The following MYO1E variants were observed in gnomAD, a reference collection of about 807,000 sequenced individuals.
The protein encoded by MYO1E is unconventional myosin-Ie.
MYO1E carries 68 observed loss-of-function variants against 151.1 expected under a neutral mutation model. The observed-to-expected ratio is 0.45, with a 90% CI of 0.37 to 0.55. MYO1E has a LOEUF of 0.55. Among genes scored for constraint, MYO1E ranks in the 20% least tolerant of loss-of-function variants. The pLI is 0.00. For synonymous variants in MYO1E, 601 were observed against 501.7 expected, an observed-to-expected ratio of 1.20 and a Z score of -2.64; for missense variants, 1,363 against 1,389.3, an observed-to-expected ratio of 0.98 and a Z score of 0.30.
rs1295171249 is a variant in MYO1E, at chr15:59,133,431, A to G, written c.*3949T>C. ...CCTGTGATGGCTCCCCCAGGGAAGA[A>G]CTGTGTGACCTTGGGCGACCTAGTG... On this transcript the variant is annotated 3_prime_UTR_variant, in exon 28 of 28. Transcript: ENST00000288235. 6.6e-6 allele frequency: 1 copy of G among 152,072 alleles called. No individual in the cohort carries two copies. The highest frequency in any genetic ancestry group is 2.4e-5 in the African/African-American group (1 of 41,382). 9.4% of individuals were successfully genotyped at this position (152,072 alleles called of 1,614,324 possible).
chr15:59,155,405 T>A (rs2079504171), intron 25 of MYO1E, among the ~76,000 whole-genome samples: 1 of 152,220 alleles, frequency 6.6e-6, no homozygotes. Context: ...GGACTGGAAA[T>A]TTTTTAAAAC....
rs1425880286 is a variant in MYO1E, at chr15:59,217,873, T to A, written c.1107+18A>T. The stretch of plus-strand genomic sequence containing the variant: ...GCTAAGATATGAAGCATCACCAGCA[T>A]CAACTTCTGTTACTTACATCTACCA... On this transcript the variant is annotated intron_variant, in intron 10 of 27. Transcript: ENST00000288235. The A allele has an allele frequency of 1.2e-6, 2 of 1,613,188 alleles. No homozygotes were observed. Among genetic ancestry groups the A allele is most frequent in the East Asian group, 4.5e-5 (2 of 44,874 alleles).
At chr15:59,333,520 G>T (rs1201116357) in intron 1 of MYO1E, among the ~76,000 whole-genome samples, 1 of 152,190 alleles carries the variant, frequency 6.6e-6, no homozygotes, top group African/African-American at 2.4e-5. Context: ...TAGGCTATAG[G>T]TGAGAGCGAG....
At chr15:59,292,261 A>G (rs2080424026) in intron 1 of MYO1E, among the ~76,000 whole-genome samples, 1 of 152,232 alleles carries the variant, frequency 6.6e-6, no homozygotes, top group African/African-American at 2.4e-5. Flanking sequence ...TTTTGTTTCA[A>G]ACACACCCAA....
At chr15:59,243,099 C>CTTTTTTTTT (rs3985715) in intron 4 of MYO1E, among the ~76,000 whole-genome samples, 1 of 133,454 alleles carries the variant, frequency 7.5e-6, no homozygotes, top group Non-Finnish European at 1.6e-5. Flanking sequence ...TTAGACCCTG[C>CTTTTTTTTT]TTTTTTTTTT....
At chr15:59,213,972 A>G (rs901312104) in intron 12 of MYO1E, among the ~76,000 whole-genome samples, 5 of 152,226 alleles carry the variant, frequency 3.3e-5, no homozygotes, top group African/African-American at 1.2e-4. Context: ...ATGAGTCAGT[A>G]GAGTAAAAGC....
intron 26 of MYO1E, among the ~76,000 whole-genome samples, chr15:59,139,219 T>G (rs150237271): frequency 6.6e-6 from 1 of 150,378 alleles, no homozygotes; most frequent in Non-Finnish European, 1.5e-5. Flanking sequence ...TATTACTCCT[T>G]AGACTTCCCT....
chr15:59,278,737 G>C (rs948479759), intron 1 of MYO1E, among the ~76,000 whole-genome samples: 1 of 152,110 alleles, frequency 6.6e-6, no homozygotes, highest in African/African-American at 2.4e-5. Flanking sequence ...TGGGGGACAG[G>C]GTAGTCAGTA....
intron 26 of MYO1E, among the ~76,000 whole-genome samples, chr15:59,151,010 GACACACACACACACACACAC>G (rs60541381): frequency 0.034 from 4,839 of 141,172 alleles, 115 homozygotes; most frequent in African/African-American, 0.072. Flanking sequence ...AGAGGAGAGG[GACACACACACACACACACAC>G]ACACACACAC....
At chr15:59,269,003 G>C (rs1277917294) in intron 2 of MYO1E, among the ~76,000 whole-genome samples, 1 of 151,818 alleles carries the variant, frequency 6.6e-6, no homozygotes, top group East Asian at 1.9e-4. Context: ...CACATTCCAA[G>C]AACATTTCAA....
intron 2 of MYO1E, among the ~76,000 whole-genome samples, chr15:59,268,521 A>C (rs975094469): frequency 6.6e-6 from 1 of 152,138 alleles, no homozygotes; most frequent in Non-Finnish European, 1.5e-5. Context: ...ACAAATTGTC[A>C]ATGAATACTT....
At chr15:59,203,998 CA>C (rs1278908260) in intron 15 of MYO1E, among the ~76,000 whole-genome samples, 8 of 152,128 alleles carry the variant, frequency 5.3e-5, no homozygotes, top group African/African-American at 1.9e-4. Context: ...AGTGTGTTTA[CA>C]AAATAATAGG....
chr15:59,220,616 AC>A (rs1458683938), intron 9 of MYO1E, among the ~76,000 whole-genome samples: 2 of 152,190 alleles, frequency 1.3e-5, no homozygotes, highest in Non-Finnish European at 2.9e-5. Context: ...GGCATGGACT[AC>A]CACTTCCCTC....
chr15:59,137,504 T>TGCCCC (rs1566961460), intron 27 of MYO1E, 48 bp from the exon 28 acceptor site: 5 of 1,502,490 alleles, frequency 3.3e-6, no homozygotes, highest in Non-Finnish European at 4.6e-6. Flanking sequence ...AAGTCTGTTC[T>TGCCCC]GCCCCAGCCA....
At chr15:59,225,710 G>A (rs1375669064) in intron 7 of MYO1E, among the ~76,000 whole-genome samples, 7 of 148,978 alleles carry the variant, frequency 4.7e-5, no homozygotes, top group East Asian at 3.9e-4. Context: ...GCACTGGTGC[G>A]ATCTCCGCTC....
intron 26 of MYO1E, among the ~76,000 whole-genome samples, chr15:59,141,508 T>C (rs1385813377): frequency 1.3e-5 from 2 of 152,140 alleles, no homozygotes; most frequent in Admixed American, 6.5e-5. Flanking sequence ...TTTTAAAAAA[T>C]ATAGGACTGG....
chr15:59,140,512 G>C (rs1348355091), intron 26 of MYO1E, among the ~76,000 whole-genome samples: 1 of 152,224 alleles, frequency 6.6e-6, no homozygotes, highest in Non-Finnish European at 1.5e-5. Context: ...TCAAGAAGTT[G>C]GGCTGGACCT....
intron 1 of MYO1E, among the ~76,000 whole-genome samples, chr15:59,294,303 C>T (rs1044667036): frequency 6.6e-6 from 1 of 152,314 alleles, no homozygotes; most frequent in South Asian, 2.1e-4. Context: ...GCTTCAAAGG[C>T]AGATATCCCT....
At chr15:59,273,004 T>G (rs73424971) in intron 1 of MYO1E, among the ~76,000 whole-genome samples, 9,283 of 152,284 alleles carry the variant, frequency 0.061, 913 homozygotes, top group African/African-American at 0.21. Context: ...TACTTTCCCT[T>G]CATAAACTTA....
Sources: allele counts gnomAD v4.1 joint callset (sites outside exome capture counted in the v4.1 genomes callset), GRCh38; gene constraint gnomAD v4.1.1; transcripts MANE v1.5; gene names NCBI Gene and HGNC (gene_info 2026-07-23, HGNC 2026-07-21).